The following MIXL1 variants were observed in gnomAD, a reference collection of about 807,000 sequenced individuals.
MIXL1 encodes homeobox protein MIXL1.
A neutral mutation model predicts 9.3 loss-of-function variants in MIXL1; 9 were observed. The observed-to-expected ratio is 0.97, with a 90% CI of 0.58 to 1.69. The LOEUF is 1.69. MIXL1 is among the 40% of genes most tolerant of loss of function. MIXL1 has a pLI of 0.00. For synonymous variants in MIXL1, 164 were observed against 155.6 expected (o/e 1.05, Z -0.40); for missense variants, 330 against 331.7 (o/e 0.99, Z 0.04).
Position 226,225,922 on chromosome 1 carries a change from T to C in MIXL1, c.*110T>C, listed in dbSNP as rs1056520299. ...CTTCCATGCTAAGGACATGTCCTTGTTAACCTTGATGATGGTTTTGACAGC... is the reference window on the plus strand; with the variant it reads ...CTTCCATGCTAAGGACATGTCCTTGCTAACCTTGATGATGGTTTTGACAGC... On this transcript the variant is annotated 3_prime_UTR_variant, in exon 2 of 2. Coordinates refer to ENST00000366810, the MANE Select transcript of MIXL1 (RefSeq NM_031944.3). 3 of 908,066 alleles carry C rather than the reference T, an allele frequency of 3.3e-6. No individual in the cohort carries two copies. The highest frequency in any genetic ancestry group is 5.1e-6 in the Non-Finnish European group (3 of 591,350). 56.3% of individuals were successfully genotyped at this position (908,066 alleles called of 1,614,324 possible).
Position 226,225,759 on chromosome 1 carries a change from T to C in MIXL1, c.646T>C (p.Ser216Pro), listed in dbSNP as rs1221282787. The C allele has an allele frequency of 5.0e-6, 8 of 1,614,190 alleles. No homozygotes were observed. The highest frequency in any genetic ancestry group is 6.8e-6 in the Non-Finnish European group (8 of 1,180,030). ...TTCCCCTCTCTCTGAAGACATTGGT[T>C]CAAAGCTGGACTCATGGGAGGAACA... ...TCSPLSEDIG[S>P]KLDSWEEHIF... Residue 216 changes from serine (S) to proline (P), a missense_variant, in exon 2 of 2, where the codon TCA becomes CCA. Coordinates refer to ENST00000366810, the MANE Select transcript of MIXL1 (RefSeq NM_031944.3).
chr1:226,225,012 C>G (rs751684860), intron 1 of MIXL1, among the ~76,000 whole-genome samples: 1 of 152,136 alleles, frequency 6.6e-6, no homozygotes, highest in Non-Finnish European at 1.5e-5. Flanking sequence ...TCTGTAGCCC[C>G]GTGGTCGGTG....
intron 1 of MIXL1, among the ~76,000 whole-genome samples, chr1:226,225,250 A>G (rs1235891728): frequency 1.3e-5 from 2 of 152,046 alleles, no homozygotes; most frequent in African/African-American, 4.8e-5. Flanking sequence ...TTGTGACCCC[A>G]TTTTTCATGA....
rs1657150811 is a variant in MIXL1, at chr1:226,225,949, C to T, written c.*137C>T. 1.3e-6 allele frequency: 1 copy of T among 763,988 alleles called. No individual in the cohort carries two copies. The allele number at this position is 763,988 out of a possible 1,614,324, so 47.3% of individuals were successfully genotyped here. A position where few individuals can be genotyped will look rare whatever the true frequency, so the allele number is the denominator to read the frequency against. The stretch of plus-strand genomic sequence containing the variant: ...AACCTTGATGATGGTTTTGACAGCA[C>T]CTCTCACATTTGAAGGTACCCCGCC... On this transcript the variant is annotated 3_prime_UTR_variant, in exon 2 of 2. Transcript: ENST00000366810.
rs947128861 is a variant in MIXL1, at chr1:226,225,565, C to A, written c.452C>A (p.Pro151His). 1.9e-6 allele frequency: 3 copies of A among 1,614,206 alleles called. No individual in the cohort carries two copies. The South Asian group carries it at 3.3e-5, about 18-fold the overall frequency. ...CGTCAGAGTGGGAAATCCTTCCAAC[C>A]TTTGGCTAGGCCGGAGATTATCCTC... ...SRRQSGKSFQ[P>H]LARPEIILNH... is the part of the protein sequence containing the mutation. Residue 151 changes from proline (P) to histidine (H), a missense_variant, in exon 2 of 2, where the codon CCT becomes CAT. By Grantham distance (77) the Pro-to-His change is moderately conservative. Transcript: ENST00000366810.
In MIXL1 at chr1:226,225,880, C is replaced by A; in HGVS notation, c.*68C>A. ...TGACAGCCTGGGAGAGACACATCAG[C>A]ATACTGTCCTTTCTGACTTCCATGC... On this transcript the variant is annotated 3_prime_UTR_variant, in exon 2 of 2. Coordinates refer to ENST00000366810, the MANE Select transcript of MIXL1 (RefSeq NM_031944.3). 7.9e-7 allele frequency: 1 copy of A among 1,269,880 alleles called. No homozygotes were observed. The highest frequency in any genetic ancestry group is 1.1e-6 in the Non-Finnish European group (1 of 906,288). The allele number at this position is 1,269,880 out of a possible 1,614,324, so 78.7% of individuals were successfully genotyped here. A position where few individuals can be genotyped will look rare whatever the true frequency, so the allele number is the denominator to read the frequency against.
In MIXL1 at chr1:226,226,954, C is replaced by T. The variant is rs970204848; in HGVS notation, c.*1142C>T. The T allele has an allele frequency of 6.6e-6, 1 of 152,156 alleles. No homozygotes were observed. Among genetic ancestry groups the T allele is most frequent in the Admixed American group, 6.5e-5 (1 of 15,268 alleles). The allele number at this position is 152,156 out of a possible 1,614,324, so 9.4% of individuals were successfully genotyped here. On this transcript the variant is annotated 3_prime_UTR_variant, in exon 2 of 2. Coordinates refer to ENST00000366810, the MANE Select transcript of MIXL1 (RefSeq NM_031944.3). ...AGTCTGAAATTTTCTCTAAGTAATCCTGATTTTGCACCTGTTACTTCGATC... is the reference window on the plus strand; with the variant it reads ...AGTCTGAAATTTTCTCTAAGTAATCTTGATTTTGCACCTGTTACTTCGATC...
Position 226,225,870 on chromosome 1 carries a change from G to A in MIXL1, c.*58G>A. On this transcript the variant is annotated 3_prime_UTR_variant, in exon 2 of 2. Transcript: ENST00000366810. The stretch of plus-strand genomic sequence containing the variant: ...GAGCCATGACTGACAGCCTGGGAGA[G>A]ACACATCAGCATACTGTCCTTTCTG... 1 of 1,382,544 alleles carries A rather than the reference G, an allele frequency of 7.2e-7. No homozygotes were observed. The highest frequency in any genetic ancestry group is 1.0e-6 in the Non-Finnish European group (1 of 996,544). The allele number at this position is 1,382,544 out of a possible 1,614,324, so 85.6% of individuals were successfully genotyped here. A position where few individuals can be genotyped will look rare whatever the true frequency, so the allele number is the denominator to read the frequency against.
chr1:226,224,225 T>C, intron 1 of MIXL1, 151 bp downstream of exon 1: 1 of 673,368 alleles, frequency 1.5e-6, no homozygotes, highest in Non-Finnish European at 2.1e-6. Flanking sequence ...TAGGGGGTGA[T>C]ATCGGCACCT....
Position 226,223,738 on chromosome 1 carries a change from G to A in MIXL1, c.57G>A (p.Ala19=). The A allele has an allele frequency of 1.4e-6, 2 of 1,447,462 alleles. No individual in the cohort carries two copies. The highest frequency in any genetic ancestry group is 1.8e-6 in the Non-Finnish European group (2 of 1,104,030). The allele number at this position is 1,447,462 out of a possible 1,614,324, so 89.7% of individuals were successfully genotyped here. The part of the protein sequence containing the change: ...LQFAEGAAFP[A]YRAPHAGGAL... ...TTGCCGAGGGCGCCGCGTTTCCAGCGTACCGGGCCCCCCACGCCGGCGGGG... is the reference window on the plus strand; with the variant it reads ...TTGCCGAGGGCGCCGCGTTTCCAGCATACCGGGCCCCCCACGCCGGCGGGG... Residue 19 remains alanine (A), a synonymous_variant, in exon 1 of 2, where the codon GCG becomes GCA. Transcript: ENST00000366810.
rs933543664 is a variant in MIXL1 at position 226,224,015 on chromosome 1, G to C, written c.334G>C (p.Asp112His). The C allele has an allele frequency of 1.4e-6, 2 of 1,433,566 alleles. No homozygotes were observed. The highest frequency in any genetic ancestry group is 1.9e-6 in the Non-Finnish European group (2 of 1,080,562). The allele number at this position is 1,433,566 out of a possible 1,614,324, so 88.8% of individuals were successfully genotyped here. A position where few individuals can be genotyped will look rare whatever the true frequency, so the allele number is the denominator to read the frequency against. Residue 112 changes from aspartate (D) to histidine (H), a missense_variant, in exon 1 of 2, where the codon GAC becomes CAC. Coordinates refer to ENST00000366810, the MANE Select transcript of MIXL1 (RefSeq NM_031944.3). ...CGTCTTCCGCCGGACCCGGTACCCCGACATCCACTTGCGCGAGCGCCTGGC... is the reference window on the plus strand; with the variant it reads ...CGTCTTCCGCCGGACCCGGTACCCCCACATCCACTTGCGCGAGCGCCTGGC... Reference protein sequence around the residue: ...ELVFRRTRYPDIHLRERLAAL... With the variant: ...ELVFRRTRYPHIHLRERLAAL...
intron 1 of MIXL1, among the ~76,000 whole-genome samples, 171 bp downstream of exon 1, chr1:226,224,245 G>A (rs1441719468): frequency 6.6e-6 from 1 of 152,218 alleles, no homozygotes; most frequent in Non-Finnish European, 1.5e-5. Context: ...TGCTGCATAG[G>A]GTGGTTGCGA....
At chr1:226,225,436 T>A (rs1381218137) in intron 1 of MIXL1, 71 bp from the exon 2 acceptor site, 1 of 1,535,884 alleles carries the variant, frequency 6.5e-7, no homozygotes, top group East Asian at 2.2e-5. Context: ...CTTACCAGTA[T>A]GAACTGTGAA....
chr1:226,223,774 G>C lies in MIXL1; in HGVS notation c.93G>C (p.Pro31=). 7.2e-7 allele frequency: 1 copy of C among 1,393,496 alleles called. No individual in the cohort carries two copies. Among genetic ancestry groups the C allele is most frequent in the South Asian group, 1.5e-5 (1 of 65,876 alleles). The allele number at this position is 1,393,496 out of a possible 1,614,324, so 86.3% of individuals were successfully genotyped here. A position where few individuals can be genotyped will look rare whatever the true frequency, so the allele number is the denominator to read the frequency against. Residue 31 remains proline, a synonymous_variant, in exon 1 of 2, where the codon CCG becomes CCC. Coordinates refer to ENST00000366810, the MANE Select transcript of MIXL1 (RefSeq NM_031944.3). ...CCCACGCCGGCGGGGCGCTCCTGCC[G>C]CCCCCGAGCCCTGCGGCAGCCCTGC... ...RAPHAGGALL[P]PPSPAAALLP... is the part of the protein sequence containing the mutation.
intron 1 of MIXL1, 135 bp downstream of exon 1, chr1:226,224,209 C>T (rs760242000): frequency 7.5e-5 from 61 of 814,930 alleles, no homozygotes; most frequent in Non-Finnish European, 9.2e-5. Context: ...GCGTACTAGA[C>T]TGAAATAGGG....
chr1:226,224,545 AT>A (rs1657110273), intron 1 of MIXL1, among the ~76,000 whole-genome samples: 1 of 152,188 alleles, frequency 6.6e-6, no homozygotes, highest in Non-Finnish European at 1.5e-5. Flanking sequence ...TTGGGATTAG[AT>A]TTGAAAGGAT....
rs1429473734 is a variant in MIXL1, at chr1:226,226,364, C to T, written c.*552C>T. On this transcript the variant is annotated 3_prime_UTR_variant, in exon 2 of 2. Transcript: ENST00000366810. ...ATTTCGACAGCCCCCTTGCCTCTAGCTTCTCAACTACTTAAAAAAAATTAC... is the reference window on the plus strand; with the variant it reads ...ATTTCGACAGCCCCCTTGCCTCTAGTTTCTCAACTACTTAAAAAAAATTAC... The T allele has an allele frequency of 1.3e-5, 2 of 152,218 alleles. No homozygotes were observed. Among genetic ancestry groups the T allele is most frequent in the African/African-American group, 4.8e-5 (2 of 41,388 alleles). The allele number at this position is 152,218 out of a possible 1,614,324, so 9.4% of individuals were successfully genotyped here.
At chr1:226,225,472 A>G (rs1200634141) in intron 1 of MIXL1, 35 bp from the exon 2 acceptor site, 1 of 1,603,538 alleles carries the variant, frequency 6.2e-7, no homozygotes, top group South Asian at 1.1e-5. Context: ...AAAAACTCCA[A>G]CCAAAAGCAG....
rs1657158316 is a variant in MIXL1 at position 226,226,266 on chromosome 1, G to A, written c.*454G>A. The A allele has an allele frequency of 6.5e-6, 1 of 154,228 alleles. No individual in the cohort carries two copies. Among genetic ancestry groups the A allele is most frequent in the South Asian group, 2.0e-4 (1 of 4,954 alleles). 9.6% of individuals were successfully genotyped at this position (154,228 alleles called of 1,614,324 possible). A position where few individuals can be genotyped will look rare whatever the true frequency, so the allele number is the denominator to read the frequency against. ...CCCGTCTCTTCAACCCTCATCCTAG[G>A]TTTATTACTTTTTAAAATTGGGCCT... On this transcript the variant is annotated 3_prime_UTR_variant, in exon 2 of 2. Transcript: ENST00000366810.
Sources: gnomAD v4.1 joint callset for allele counts (sites outside exome capture counted in the v4.1 genomes callset) on GRCh38, gnomAD v4.1.1 for gene constraint, MANE v1.5 for transcripts, NCBI Gene and HGNC (gene_info 2026-07-23, HGNC 2026-07-21) for gene names.